Variants in XKR6 observed in about 807,000 individuals in gnomAD.
The protein encoded by XKR6 is XK related 6, also known as XK-related protein 6.
Under a neutral mutation model 56.7 loss-of-function variants are expected in XKR6, and 22 were observed. The ratio of observed to expected loss-of-function variants is 0.39; its 90% CI spans 0.28 to 0.55. The LOEUF (loss-of-function observed/expected upper bound fraction) is 0.55, where lower values mean the gene tolerates loss of function less well. Ranked by LOEUF, XKR6 falls within the 20% of genes least tolerant of loss-of-function variation. The pLI is 0.66. For missense variants in XKR6, 852 were observed against 889.0 expected, an observed-to-expected ratio of 0.96 and a Z score of 0.53; for synonymous variants, 524 against 387.8, an observed-to-expected ratio of 1.35 and a Z score of -4.13.
Position 11,200,548 on chromosome 8 carries a change from G to C in XKR6, c.764+28C>G. ...GGCGGAGGGGGGCTCCTCAGGGCCG[G>C]CCCGCCCCCACCCCGCAGTGCTCTT... On this transcript the variant is annotated intron_variant, in intron 1 of 2. Coordinates refer to ENST00000416569, the MANE Select transcript of XKR6 (RefSeq NM_173683.4). This position sits in a 1 kb window ranked among gnomAD's most constrained non-coding sequence, Gnocchi z 6.4. 6 of 1,437,330 alleles carry C rather than the reference G, an allele frequency of 4.2e-6. No homozygotes were observed. The highest frequency in any genetic ancestry group is 1.5e-5 in the South Asian group (1 of 66,288). 89.0% of individuals were successfully genotyped at this position (1,437,330 alleles called of 1,614,324 possible). A position where few individuals can be genotyped will look rare whatever the true frequency, so the allele number is the denominator to read the frequency against.
intron 1 of XKR6, among the ~76,000 whole-genome samples, chr8:11,129,578 C>T (rs190608762): frequency 4.6e-5 from 7 of 152,270 alleles, no homozygotes; most frequent in Admixed American, 4.6e-4. Flanking sequence ...GGTACACGAA[C>T]AGTCACAGAA....
At chr8:11,008,752 T>A (rs568056013) in intron 1 of XKR6, among the ~76,000 whole-genome samples, 1 of 152,150 alleles carries the variant, frequency 6.6e-6, no homozygotes, top group East Asian at 1.9e-4. Flanking sequence ...TGGACACATG[T>A]CTGGGCTGAG....
At chr8:10,906,828 T>C (rs997464363) in intron 2 of XKR6, among the ~76,000 whole-genome samples, 30 of 152,152 alleles carry the variant, frequency 2.0e-4, no homozygotes, top group African/African-American at 6.8e-4. Flanking sequence ...GGTCAGGAGA[T>C]TGAGACCATC....
chr8:11,019,983 G>C (rs1189199628), intron 1 of XKR6, among the ~76,000 whole-genome samples: 1 of 152,170 alleles, frequency 6.6e-6, no homozygotes, highest in Non-Finnish European at 1.5e-5. Context: ...GGAGAGAAGG[G>C]ATAGGGCACT....
chr8:11,185,358 T>A (rs897739643), intron 1 of XKR6, among the ~76,000 whole-genome samples: 4 of 152,234 alleles, frequency 2.6e-5, no homozygotes, highest in African/African-American at 9.6e-5. Context: ...AACAGAAATA[T>A]GCCACAGAAA....
At chr8:10,965,813 A>G (rs1376906584) in intron 1 of XKR6, among the ~76,000 whole-genome samples, 11 of 152,256 alleles carry the variant, frequency 7.2e-5, no homozygotes, top group African/African-American at 2.4e-4. Context: ...GACCGTTCAC[A>G]CAACGGAGAG....
rs566548410 is a variant in XKR6 at position 11,137,375 on chromosome 8, T to C, written c.764+63201A>G. 1.2e-5 allele frequency: 4 copies of C among 339,270 alleles called. No individual in the cohort carries two copies. In the East Asian group the frequency reaches 2.4e-4, roughly 20 times the overall value. 21.0% of individuals were successfully genotyped at this position (339,270 alleles called of 1,614,324 possible). ...AAAAATACAAAGGAGTCCAGGATAA[T>C]AGAAATCTTTCTTCATTCACATATT... On this transcript the variant is annotated intron_variant, in intron 1 of 2. Transcript: ENST00000416569.
At chr8:11,090,395 C>T (rs895032560) in intron 1 of XKR6, among the ~76,000 whole-genome samples, 2 of 131,462 alleles carry the variant, frequency 1.5e-5, no homozygotes, top group Non-Finnish European at 3.2e-5. Context: ...CTTCCAGTCG[C>T]TTTTTAATGG....
intron 1 of XKR6, among the ~76,000 whole-genome samples, chr8:11,015,156 C>T (rs543696643): frequency 1.3e-5 from 2 of 150,732 alleles, no homozygotes; most frequent in South Asian, 4.2e-4. Flanking sequence ...GGGTGCCCTG[C>T]ATCTGGCCGT....
intron 1 of XKR6, among the ~76,000 whole-genome samples, chr8:11,161,914 C>A (rs1586634983): frequency 6.6e-6 from 1 of 152,114 alleles, no homozygotes; most frequent in East Asian, 1.9e-4. Flanking sequence ...TACTTACTTA[C>A]CCAGGTTGTA....
chr8:11,194,971 A>G (rs886716738), intron 1 of XKR6: 7 of 541,768 alleles, frequency 1.3e-5, no homozygotes, highest in African/African-American at 1.2e-4. Flanking sequence ...AAAATTTACC[A>G]TAAATGTCAA....
intron 1 of XKR6, among the ~76,000 whole-genome samples, chr8:11,135,264 C>T (rs1288582399): frequency 6.6e-6 from 1 of 152,076 alleles, no homozygotes; most frequent in Non-Finnish European, 1.5e-5. Flanking sequence ...CTCCTGACCT[C>T]GTGATCCGCC....
chr8:11,017,294 C>A (rs898671630), intron 1 of XKR6, among the ~76,000 whole-genome samples: 1 of 152,214 alleles, frequency 6.6e-6, no homozygotes, highest in African/African-American at 2.4e-5. Context: ...AGGGACAACC[C>A]GGACCCCAGG....
At chr8:11,044,427 G>A (rs756527853) in intron 1 of XKR6, among the ~76,000 whole-genome samples, 7 of 152,134 alleles carry the variant, frequency 4.6e-5, no homozygotes, top group South Asian at 2.1e-4. Context: ...TGCACTTCCC[G>A]CCTGCAGTTT....
At chr8:11,145,695 G>A (rs1229623162) in intron 1 of XKR6, among the ~76,000 whole-genome samples, 2 of 152,294 alleles carry the variant, frequency 1.3e-5, no homozygotes, top group African/African-American at 4.8e-5. Flanking sequence ...ATTGCTAAGA[G>A]AAATTAAAGA....
intron 1 of XKR6, among the ~76,000 whole-genome samples, chr8:10,951,794 G>A (rs1586346935): frequency 2.0e-5 from 3 of 152,256 alleles, no homozygotes; most frequent in Admixed American, 2.0e-4. Context: ...AGGGAGAAAC[G>A]AGGTTTTCCT....
intron 1 of XKR6, among the ~76,000 whole-genome samples, chr8:11,155,384 T>A (rs1286388974): frequency 6.6e-6 from 1 of 152,224 alleles, no homozygotes; most frequent in East Asian, 1.9e-4. Context: ...AAAGACTTTA[T>A]AATGTGAATA....
At chr8:10,901,806 T>C (rs764499064) in intron 2 of XKR6, among the ~76,000 whole-genome samples, 1 of 152,238 alleles carries the variant, frequency 6.6e-6, no homozygotes, top group Admixed American at 6.5e-5. Flanking sequence ...GTTCTAAGCA[T>C]GCTTTGAGCA....
Position 11,049,429 on chromosome 8 carries a change from G to A in XKR6, c.765-124599C>T, listed in dbSNP as rs536763542. 6.9e-4 allele frequency among the ~76,000 whole-genome samples: 105 copies of A among 152,210 alleles called. 1 individual carries two copies. Among genetic ancestry groups the A allele is most frequent in the African/African-American group, 2.3e-3 (97 of 41,518 alleles). On this transcript the variant is annotated intron_variant, in intron 1 of 2. Transcript: ENST00000416569. Reference sequence around the variant, plus strand: ...CCTGATGGAACACAGCCCCTGACCCGGGGCTGGCTGCTCCCTGCGCCTCTC... The same window carrying A: ...CCTGATGGAACACAGCCCCTGACCCAGGGCTGGCTGCTCCCTGCGCCTCTC...
Sources: allele counts gnomAD v4.1 joint callset (sites outside exome capture counted in the v4.1 genomes callset), GRCh38; gene constraint gnomAD v4.1.1; non-coding constraint Gnocchi (gnomAD v3.1); transcripts MANE v1.5; gene names NCBI Gene and HGNC (gene_info 2026-07-23, HGNC 2026-07-21).